Variants in NID1 observed in about 807,000 individuals in gnomAD.
NID1 encodes the protein nidogen 1.
A neutral mutation model predicts 130.6 loss-of-function variants in NID1; 76 were observed. The observed-to-expected ratio is 0.58, with a 90% confidence interval of 0.48 to 0.70. The LOEUF is 0.70. Among genes scored for constraint, NID1 ranks in the 30% least tolerant of loss-of-function variants. The pLI is 0.00. For synonymous variants in NID1, 665 were observed against 675.1 expected (o/e 0.98, Z 0.23); for missense variants, 1,517 against 1,664.8 (o/e 0.91, Z 1.54).
In NID1 at chr1:236,048,992, G is replaced by A. The variant is rs1321649275; in HGVS notation, c.226-3C>T. On this transcript the variant is annotated splice_polypyrimidine_tract_variant and splice_region_variant and intron_variant, in intron 1 of 19. Transcript: ENST00000264187. ...GCAATGATGCCATTTGTGGTGACCTGTACAAAACCAAGTGTGGTTAAAAGG... is the reference window on the plus strand; with the variant it reads ...GCAATGATGCCATTTGTGGTGACCTATACAAAACCAAGTGTGGTTAAAAGG... The A allele has an allele frequency of 1.2e-6, 2 of 1,609,846 alleles. No homozygotes were observed. The highest frequency in any genetic ancestry group is 2.2e-5 in the South Asian group (2 of 90,184).
chr1:236,021,180 T>TCACA (rs149709343), intron 9 of NID1, among the ~76,000 whole-genome samples: 449 of 151,182 alleles, frequency 3.0e-3, no homozygotes, highest in African/African-American at 0.01. Flanking sequence ...GGGCTCCCGT[T>TCACA]CACACACACA....
chr1:236,030,150 C>T (rs1354434034), intron 6 of NID1, among the ~76,000 whole-genome samples: 2 of 152,198 alleles, frequency 1.3e-5, no homozygotes, highest in Non-Finnish European at 2.9e-5. Context: ...TTGTCAAGTG[C>T]TCCATAATGC....
chr1:236,065,033 A>G lies in NID1; in HGVS notation c.47T>C (p.Leu16Pro). Reference sequence around the variant, plus strand: ...CCCCGCCAGCAGCAGCGGCAGCAGCAGCGCCCGCGTCCACGCAGCCCGGAT... The same window carrying G: ...CCCCGCCAGCAGCAGCGGCAGCAGCGGCGCCCGCGTCCACGCAGCCCGGAT... ...SRIRAAWTRA[L>P]LLPLLLAGPV... The change falls in exon 1 of 20, where the codon CTG (leucine) becomes CCG (proline). Residue 16 changes from leucine (L) to proline (P), a missense_variant. Leu to Pro is a moderately conservative substitution (Grantham distance 98, BLOSUM62 -3). This residue lies in a region of NID1 where 1,329 missense variants were observed against 1,429.2 expected (regional missense o/e 0.93). Coordinates refer to ENST00000264187, the MANE Select transcript of NID1 (RefSeq NM_002508.3). This position sits in a 1 kb window ranked among gnomAD's most constrained non-coding sequence, Gnocchi z 4.1. The G allele has an allele frequency of 6.4e-7, 1 of 1,557,584 alleles. No individual in the cohort carries two copies.
chr1:236,048,903 G>A lies in NID1; in HGVS notation c.312C>T (p.Val104=), dbSNP rs200949377. The A allele has an allele frequency of 3.1e-5, 50 of 1,614,028 alleles. No individual in the cohort carries two copies. The Middle Eastern group carries it at 5.0e-4, about 16-fold the overall frequency. Residue 104 remains valine (V), a synonymous_variant, in exon 2 of 20, where the codon GTC becomes GTT. Coordinates refer to ENST00000264187, the MANE Select transcript of NID1 (RefSeq NM_002508.3). ...PGLFPPTFGA[V]APFLADLDTT... is the part of the protein sequence containing the mutation. ...TGTCCAAGTCCGCCAGGAAAGGGGC[G>A]ACTGCACCGAATGTTGGTGGGAAGA...
intron 19 of NID1, 126 bp from the exon 20 acceptor site, chr1:235,978,114 T>A: frequency 9.0e-7 from 1 of 1,115,958 alleles, no homozygotes; most frequent in Non-Finnish European, 1.3e-6. Context: ...CTAGGAAGGC[T>A]TCAGGAGAAT....
At chr1:236,043,649 T>G (rs1238840068) in intron 3 of NID1, among the ~76,000 whole-genome samples, 1 of 151,950 alleles carries the variant, frequency 6.6e-6, no homozygotes, top group Non-Finnish European at 1.5e-5. Flanking sequence ...ATACAAAAAA[T>G]TAGCTGGGCG....
At chr1:236,001,838 A>G (rs1283753170) in intron 12 of NID1, among the ~76,000 whole-genome samples, 3 of 152,228 alleles carry the variant, frequency 2.0e-5, no homozygotes, top group African/African-American at 7.2e-5. Context: ...GTGAAACTGC[A>G]TTGTTGAGTT....
Position 236,048,987 on chromosome 1 carries a change from G to T in NID1, c.228C>A (p.Val76=). 6.2e-7 allele frequency: 1 copy of T among 1,612,710 alleles called. No individual in the cohort carries two copies. The highest frequency in any genetic ancestry group is 1.1e-5 in the South Asian group (1 of 90,814). The change falls in exon 2 of 20, where the codon GTC becomes GTA. Residue 76 remains valine, a splice_region_variant and synonymous_variant. Transcript: ENST00000264187. The part of the protein sequence containing the change: ...YDRSDIDAVY[V]TTNGIIATSE... ...TCGTAGCAATGATGCCATTTGTGGT[G>T]ACCTGTACAAAACCAAGTGTGGTTA...
chr1:235,979,858 C>A lies in NID1; in HGVS notation c.3473G>T (p.Ser1158Ile). The A allele has an allele frequency of 6.2e-7, 1 of 1,614,146 alleles. No individual in the cohort carries two copies. The highest frequency in any genetic ancestry group is 1.1e-5 in the South Asian group (1 of 91,080). Residue 1158 changes from serine (S) to isoleucine (I), a missense_variant, in exon 18 of 20, where the codon AGC (serine) becomes ATC (isoleucine). Ser to Ile is a moderately radical substitution (Grantham distance 142). Transcript: ENST00000264187. The surrounding 1 kb of genome is among the most constrained non-coding windows in gnomAD (Gnocchi z 4.6). The part of the protein sequence containing the change: ...EGLQYPFAVT[S>I]YGKNLYFTDW... ...TGTGAAATACAGATTCTTCCCGTAG[C>A]TCGTCACAGCAAAAGGATACTGGAG...
At chr1:236,035,900 G>T (rs1659244274) in intron 5 of NID1, among the ~76,000 whole-genome samples, 1 of 152,088 alleles carries the variant, frequency 6.6e-6, no homozygotes, top group South Asian at 2.1e-4. Context: ...GCCAAGTTAA[G>T]AAACCAAACA....
intron 15 of NID1, among the ~76,000 whole-genome samples, chr1:235,983,984 TA>T (rs76847820): frequency 0.024 from 3,323 of 140,144 alleles, 38 homozygotes; most frequent in Middle Eastern, 0.036. Flanking sequence ...CTTTCTCTCT[TA>T]AAAAAAAAAA....
chr1:236,010,916 T>C (rs997674165), intron 12 of NID1, among the ~76,000 whole-genome samples: 3 of 152,360 alleles, frequency 2.0e-5, no homozygotes, highest in Admixed American at 2.0e-4. Flanking sequence ...GATAAACAAA[T>C]ATTTTCAAAT....
At chr1:236,062,164 T>A (rs1274435122) in intron 1 of NID1, among the ~76,000 whole-genome samples, 1 of 152,336 alleles carries the variant, frequency 6.6e-6, no homozygotes, top group East Asian at 1.9e-4. Flanking sequence ...CACCTTTTTA[T>A]GGCCGATTTG....
rs904548170 is a variant in NID1, at chr1:236,020,062, A to C, written c.2129-2789T>G. ...AAAAAAAAAAAAAAAAAAAAAACAA[A>C]AACAAACTTCTTTTCTATAAATTGA... On this transcript the variant is annotated intron_variant, in intron 9 of 19. Coordinates refer to ENST00000264187, the MANE Select transcript of NID1 (RefSeq NM_002508.3). Among the ~76,000 whole-genome samples the C allele has an allele frequency of 6.9e-5, 10 of 144,218 alleles. No individual in the cohort carries two copies. In the South Asian group the frequency reaches 1.7e-3, roughly 24 times the overall value. 94.6% of individuals were successfully genotyped at this position (144,218 alleles called of 152,430 possible).
chr1:235,992,259 C>T (rs575639539), intron 13 of NID1, among the ~76,000 whole-genome samples: 18 of 152,318 alleles, frequency 1.2e-4, no homozygotes, highest in Middle Eastern at 3.4e-3. Context: ...TACACCCAAT[C>T]GGTGACACAA....
At position 236,003,213 on chromosome 1, in the gene NID1, CCGG is replaced by C. The variant is rs1558428735; in HGVS notation, c.2527+8705_2527+8707del. On this transcript the variant is annotated intron_variant, in intron 12 of 19. Coordinates refer to ENST00000264187, the MANE Select transcript of NID1 (RefSeq NM_002508.3). ...GGTAGTTGTCACTCCTAGTGAACGACCGGTAGTTATTCACTACTAATTTCAAGT... is the reference window on the plus strand; with the variant it reads ...GGTAGTTGTCACTCCTAGTGAACGACTAGTTATTCACTACTAATTTCAAGT... 2.3e-3 allele frequency among the ~76,000 whole-genome samples: 239 copies of C among 106,024 alleles called. 19 individuals are homozygous for C. The highest frequency in any genetic ancestry group is 7.1e-3 in the East Asian group (8 of 1,130). 69.6% of individuals were successfully genotyped at this position (106,024 alleles called of 152,430 possible).
At chr1:236,019,436 G>C (rs1277333622) in intron 9 of NID1, among the ~76,000 whole-genome samples, 1 of 152,200 alleles carries the variant, frequency 6.6e-6, no homozygotes, top group Non-Finnish European at 1.5e-5. Flanking sequence ...CAAAATCACA[G>C]GGGATCTTCT....
At chr1:236,009,652 C>T (rs1658349730) in intron 12 of NID1, among the ~76,000 whole-genome samples, 1 of 152,198 alleles carries the variant, frequency 6.6e-6, no homozygotes, top group African/African-American at 2.4e-5. Flanking sequence ...ATTTCTTTTG[C>T]TCAACATTAC....
intron 2 of NID1, among the ~76,000 whole-genome samples, chr1:236,047,748 C>A (rs996262290): frequency 6.6e-6 from 1 of 152,076 alleles, no homozygotes; most frequent in African/African-American, 2.4e-5. Flanking sequence ...TCCTTCCAGC[C>A]GGGCTCGGTG....
Sources: allele counts gnomAD v4.1 joint callset (sites outside exome capture counted in the v4.1 genomes callset), GRCh38; gene constraint gnomAD v4.1.1; regional missense constraint gnomAD v4.1.1; non-coding constraint Gnocchi (gnomAD v3.1); transcripts MANE v1.5; gene names NCBI Gene and HGNC (gene_info 2026-07-23, HGNC 2026-07-21).